Variants in CIMAP1A observed in about 807,000 individuals in gnomAD.
CIMAP1A encodes the protein ciliary microtubule associated protein 1A.
chr11:198,177 G>A, the CIMAP1A span: 1 of 1,610,014 alleles, frequency 6.2e-7, no homozygotes, highest in Non-Finnish European at 8.5e-7. Flanking sequence ...TGTCCCAGCA[G>A]CCCCCTTGGC....
chr11:198,964 T>C, the CIMAP1A span: 1 of 1,184,698 alleles, frequency 8.4e-7, no homozygotes, highest in Non-Finnish European at 1.1e-6. Context: ...GCAAAGCCCC[T>C]GGGTGGCACA....
chr11:198,971 C>T, the CIMAP1A span: 2 of 1,186,196 alleles, frequency 1.7e-6, no homozygotes, highest in South Asian at 4.7e-5. Context: ...CCCTGGGTGG[C>T]ACATGCCTGA....
the CIMAP1A span, chr11:199,779 G>GT: frequency 6.9e-7 from 1 of 1,443,214 alleles, no homozygotes; most frequent in African/African-American, 1.4e-5. Context: ...CCTAGACACT[G>GT]TGACAGCTAC....
the CIMAP1A span, chr11:198,470 C>T: frequency 6.2e-7 from 1 of 1,613,274 alleles, no homozygotes; most frequent in Middle Eastern, 1.6e-4. Context: ...GCAGGCCCCG[C>T]TGCGTACATG....
chr11:198,551 G>A, the CIMAP1A span: 1 of 1,611,568 alleles, frequency 6.2e-7, no homozygotes, highest in Non-Finnish European at 8.5e-7. Flanking sequence ...AAGGGCCGCA[G>A]CAAGCTGGGC....
the CIMAP1A span, chr11:197,617 G>T: frequency 6.2e-7 from 1 of 1,613,460 alleles, no homozygotes; most frequent in South Asian, 1.1e-5. Context: ...CTTCCGTGGG[G>T]CCCCCATGCT....
chr11:198,481 C>T, the CIMAP1A span: 1 of 1,613,330 alleles, frequency 6.2e-7, no homozygotes, highest in Admixed American at 1.7e-5. Context: ...TGCGTACATG[C>T]TGCCCATGGT....
chr11:199,916 G>T, the CIMAP1A span: 3 of 1,612,834 alleles, frequency 1.9e-6, no homozygotes, highest in Non-Finnish European at 2.5e-6. Context: ...AGGGGTGCTG[G>T]TTCCTATCAT....
the CIMAP1A span, chr11:197,466 G>C: frequency 6.3e-7 from 1 of 1,592,646 alleles, no homozygotes; most frequent in Non-Finnish European, 8.6e-7. Flanking sequence ...GGGCAGGTGG[G>C]GGTCCCGGGA....
the CIMAP1A span, chr11:198,650 C>A: frequency 6.5e-7 from 1 of 1,544,778 alleles, no homozygotes; most frequent in Non-Finnish European, 8.7e-7. Context: ...CCCCGGAACC[C>A]AGGACCCACC....
chr11:199,145 T>C, the CIMAP1A span: 7 of 1,402,132 alleles, frequency 5.0e-6, no homozygotes, highest in East Asian at 1.3e-4. Flanking sequence ...GGGGATGCCA[T>C]TGCCAGCGTG....
the CIMAP1A span, chr11:199,525 A>G: frequency 3.7e-5 from 57 of 1,550,032 alleles, no homozygotes; most frequent in Non-Finnish European, 4.9e-5. Context: ...GGAAGAGCAC[A>G]GCTCAGAGGG....
At chr11:197,752 C>A in the CIMAP1A span, 1 of 1,613,582 alleles carries the variant, frequency 6.2e-7, no homozygotes, top group Non-Finnish European at 8.5e-7. Flanking sequence ...CATGCTGACT[C>A]CTGGTCCAGG....
At chr11:200,083 C>A in the CIMAP1A span, 12 of 1,593,480 alleles carry the variant, frequency 7.5e-6, no homozygotes, top group East Asian at 2.2e-5. Context: ...CAAGATCCGC[C>A]GGGCCACAGA....
chr11:200,226 T>G, the CIMAP1A span: 2 of 587,532 alleles, frequency 3.4e-6, no homozygotes, highest in South Asian at 2.1e-5. Context: ...TTTTCTGCTG[T>G]GCCCAAATTA....
chr11:199,353 C>G, the CIMAP1A span: 1 of 1,561,842 alleles, frequency 6.4e-7, no homozygotes, highest in Non-Finnish European at 8.7e-7. Context: ...TGGTCTGAGC[C>G]TCCTTTACCT....
the CIMAP1A span, chr11:198,107 C>A: frequency 6.4e-7 from 1 of 1,554,396 alleles, no homozygotes; most frequent in Non-Finnish European, 8.7e-7. Context: ...AGAGGCCCCA[C>A]GCCTAGAATG....
chr11:197,438 G>T, the CIMAP1A span: 1 of 1,596,046 alleles, frequency 6.3e-7, no homozygotes, highest in East Asian at 2.3e-5. Flanking sequence ...GACTGTGGGA[G>T]AGGGTCAGGA....
At chr11:197,240 C>T in the CIMAP1A span, 24 of 1,181,486 alleles carry the variant, frequency 2.0e-5, no homozygotes, top group African/African-American at 1.1e-4. Context: ...CATCAGGGGC[C>T]GGCATGGGAC....
Sources: allele counts gnomAD v4.1 joint callset, GRCh38; gene constraint gnomAD v4.1.1; transcripts MANE v1.5; gene names NCBI Gene and HGNC (gene_info 2026-07-23, HGNC 2026-07-21).